NPAS3: variants seen among roughly 807,000 people sequenced by gnomAD.
NPAS3 encodes neuronal PAS domain-containing protein 3.
Under a neutral mutation model 73.1 loss-of-function variants are expected in NPAS3, and 14 were observed. That is an observed-to-expected ratio of 0.19 (90% CI 0.13 to 0.30). NPAS3 has a LOEUF of 0.30. Among genes scored for constraint, NPAS3 ranks in the 10% least tolerant of loss-of-function variants. NPAS3 has a pLI of 1.00. For synonymous variants in NPAS3, 620 were observed against 541.5 expected (o/e 1.14, Z -2.01); for missense variants, 1,096 against 1,250.0 (o/e 0.88, Z 1.86).
intron 5 of NPAS3, among the ~76,000 whole-genome samples, chr14:33,622,718 T>G (rs78850054): frequency 0.048 from 7,294 of 152,276 alleles, 568 homozygotes; most frequent in African/African-American, 0.16. Context: ...TTTCACCGAT[T>G]ATACAAACTT....
At chr14:33,205,608 G>T (rs1200567929) in intron 2 of NPAS3, among the ~76,000 whole-genome samples, 1 of 152,090 alleles carries the variant, frequency 6.6e-6, no homozygotes, top group Non-Finnish European at 1.5e-5. Context: ...TCTTGAGGCT[G>T]GTGAACTTGT....
intron 3 of NPAS3, among the ~76,000 whole-genome samples, chr14:33,310,775 G>C (rs1296394687): frequency 7.1e-6 from 1 of 141,716 alleles, no homozygotes; most frequent in Non-Finnish European, 1.5e-5. Flanking sequence ...AAATTCAGTA[G>C]AATGAAATGT....
chr14:33,593,631 G>A (rs966425787), intron 5 of NPAS3, among the ~76,000 whole-genome samples: 1 of 152,178 alleles, frequency 6.6e-6, no homozygotes, highest in African/African-American at 2.4e-5. Flanking sequence ...CTTCTTTTCT[G>A]TACAGTGAGG....
intron 4 of NPAS3, among the ~76,000 whole-genome samples, chr14:33,408,471 A>G (rs2047766336): frequency 6.6e-6 from 1 of 152,132 alleles, no homozygotes; most frequent in Admixed American, 6.6e-5. Context: ...TTCCTGGGAA[A>G]CAGCCAAACA....
intron 3 of NPAS3, among the ~76,000 whole-genome samples, chr14:33,277,617 C>T (rs1410224767): frequency 2.0e-5 from 3 of 152,108 alleles, no homozygotes; most frequent in Admixed American, 6.5e-5. Context: ...AACATTTAAG[C>T]AGGAACCTCA....
chr14:33,029,682 G>A (rs1269748657), intron 1 of NPAS3, among the ~76,000 whole-genome samples: 1 of 152,174 alleles, frequency 6.6e-6, no homozygotes, highest in South Asian at 2.1e-4. Flanking sequence ...TGATCAAATG[G>A]AGTTGGGTCT....
At chr14:33,400,504 G>A (rs1314360393) in intron 4 of NPAS3, among the ~76,000 whole-genome samples, 1 of 152,078 alleles carries the variant, frequency 6.6e-6, no homozygotes, top group Non-Finnish European at 1.5e-5. Flanking sequence ...GAAGACTGGT[G>A]GTTGGTCAGA....
intron 2 of NPAS3, among the ~76,000 whole-genome samples, chr14:33,108,640 G>T (rs1358340330): frequency 6.6e-6 from 1 of 152,106 alleles, no homozygotes. Context: ...AGAACAAATA[G>T]AATGTTGTTT....
chr14:33,793,023 T>G (rs2063407605), intron 9 of NPAS3, among the ~76,000 whole-genome samples: 1 of 152,236 alleles, frequency 6.6e-6, no homozygotes, highest in Admixed American at 6.5e-5. Context: ...TTTCCCCTTT[T>G]ACTAGCTCAG....
At chr14:33,011,423 G>A (rs2039191596) in intron 1 of NPAS3, among the ~76,000 whole-genome samples, 1 of 152,126 alleles carries the variant, frequency 6.6e-6, no homozygotes, top group South Asian at 2.1e-4. Flanking sequence ...ATGTAGACAT[G>A]CCAGCAGGTC....
At chr14:33,435,511 T>C (rs1273640392) in intron 4 of NPAS3, among the ~76,000 whole-genome samples, 1 of 152,232 alleles carries the variant, frequency 6.6e-6, no homozygotes, top group Admixed American at 6.5e-5. Flanking sequence ...CACATTTGGA[T>C]AATTTCCTGC....
chr14:33,621,793 G>A (rs1343150600), intron 5 of NPAS3, among the ~76,000 whole-genome samples: 1 of 152,068 alleles, frequency 6.6e-6, no homozygotes, highest in East Asian at 1.9e-4. Context: ...CATAAGTAAA[G>A]GCGAAATTCA....
intron 3 of NPAS3, among the ~76,000 whole-genome samples, chr14:33,311,453 A>G (rs2042999554): frequency 6.6e-6 from 1 of 152,178 alleles, no homozygotes; most frequent in African/African-American, 2.4e-5. Context: ...TATATCCTAC[A>G]ACTTCTGGTC....
In NPAS3 at chr14:33,091,124, A is replaced by T. The variant is rs139476966; in HGVS notation, c.140+35130A>T. ...CACATTCAAAAGCTAGCAGAAGGCA[A>T]GAAATAACTAAGATCAGAACAGAAC... On this transcript the variant is annotated intron_variant, in intron 2 of 11. Transcript: ENST00000356141. 1.0e-2 allele frequency among the ~76,000 whole-genome samples: 1,520 copies of T among 152,306 alleles called. 22 individuals carry two copies. The highest frequency in any genetic ancestry group is 0.035 in the African/African-American group (1,445 of 41,560).
chr14:33,753,259 T>C (rs1241458237), intron 7 of NPAS3, among the ~76,000 whole-genome samples: 1 of 152,024 alleles, frequency 6.6e-6, no homozygotes, highest in African/African-American at 2.4e-5. Flanking sequence ...ATCAATAATA[T>C]TGTTTTTCTG....
At chr14:33,655,003 G>C (rs1014469301) in intron 5 of NPAS3, among the ~76,000 whole-genome samples, 1 of 152,182 alleles carries the variant, frequency 6.6e-6, no homozygotes, top group Non-Finnish European at 1.5e-5. Flanking sequence ...TTACACACAC[G>C]ATCTCATTCA....
chr14:33,201,300 G>GGTGTGTGTGT (rs34700439), intron 2 of NPAS3, among the ~76,000 whole-genome samples: 4 of 150,922 alleles, frequency 2.7e-5, no homozygotes, highest in Non-Finnish European at 5.9e-5. Flanking sequence ...CCCTAACAAT[G>GGTGTGTGTGT]GTGTGTGTGT....
intron 5 of NPAS3, among the ~76,000 whole-genome samples, chr14:33,652,350 C>T (rs1443979500): frequency 6.6e-6 from 1 of 152,202 alleles, no homozygotes; most frequent in Non-Finnish European, 1.5e-5. Context: ...CCATATTACT[C>T]ATGCCAGTCT....
chr14:33,010,690 G>A lies in NPAS3; in HGVS notation c.51-45215G>A, dbSNP rs141843214. On this transcript the variant is annotated intron_variant, in intron 1 of 11. Transcript: ENST00000356141. The stretch of plus-strand genomic sequence containing the variant: ...AAGTAGGCTGGGCATAGTGGCTCAC[G>A]CCTGTAATTTCAGTGCTTTGGCAGG... Among the ~76,000 whole-genome samples, 1,122 of 152,188 alleles carry A rather than the reference G, an allele frequency of 7.4e-3. 14 individuals carry two copies. Among genetic ancestry groups the A allele is most frequent in the African/African-American group, 0.026 (1,060 of 41,532 alleles).
Sources: allele counts gnomAD v4.1 joint callset (sites outside exome capture counted in the v4.1 genomes callset), GRCh38; gene constraint gnomAD v4.1.1; transcripts MANE v1.5; gene names NCBI Gene and HGNC (gene_info 2026-07-23, HGNC 2026-07-21).